ZNF721: variants seen among roughly 807,000 people sequenced by gnomAD.
ZNF721 encodes zinc finger protein 721.
A neutral mutation model predicts 2.4 loss-of-function variants in ZNF721; 2 were observed. The ratio of observed to expected loss-of-function variants is 0.82; its 90% CI spans 0.34 to 2.58. ZNF721 has a LOEUF of 2.58. ZNF721 is among the 30% of genes most tolerant of loss of function. The pLI, the probability that ZNF721 is intolerant of heterozygous loss-of-function variation, is 0.11. For missense variants in ZNF721, 1,187 were observed against 1,085.5 expected (o/e 1.09, Z -1.31); for synonymous variants, 398 against 381.8 (o/e 1.04, Z -0.50).
chr4:494,693 GA>G (rs1396623843), intron 1 of ZNF721, among the ~76,000 whole-genome samples: 31 of 152,092 alleles, frequency 2.0e-4, no homozygotes, highest in African/African-American at 7.0e-4. Context: ...GCTAGAGGGA[GA>G]CAGCTTTATT....
chr4:442,279 G>T lies in ZNF721; in HGVS notation c.2188C>A (p.Arg730Ser), dbSNP rs782608224. Residue 730 changes from arginine to serine, a missense_variant, in exon 3 of 3, where the codon CGT becomes AGT. Physicochemically the swap from Arg to Ser is moderately radical, Grantham distance 110. Coordinates refer to ENST00000511833, the MANE Select transcript of ZNF721 (RefSeq NM_133474.4). ...GTGGACCATCCAAAGGATCTGCCAC[G>T]ATCTTCACATTTGTAGGGTTTCTCC... ...TREKPYKCED[R>S]GRSFGWSTNL... 2.4e-5 allele frequency: 39 copies of T among 1,612,904 alleles called. No homozygotes were observed. Among genetic ancestry groups the T allele is most frequent in the Non-Finnish European group, 3.3e-5 (39 of 1,179,328 alleles).
rs2108686092 is a variant in ZNF721 at position 440,461 on chromosome 4, TTA to T, written c.*1232_*1233del. The T allele has an allele frequency of 6.6e-6, 1 of 152,238 alleles. No individual in the cohort carries two copies. The highest frequency in any genetic ancestry group is 1.9e-4 in the East Asian group (1 of 5,200). The allele number at this position is 152,238 out of a possible 1,614,324, so 9.4% of individuals were successfully genotyped here. A position where few individuals can be genotyped will look rare whatever the true frequency, so the allele number is the denominator to read the frequency against. On this transcript the variant is annotated 3_prime_UTR_variant, in exon 3 of 3. Coordinates refer to ENST00000511833, the MANE Select transcript of ZNF721 (RefSeq NM_133474.4). ...TCTCTTCAAAAACCTACTTTTCAAC[TTA>T]TATACAAGGAAATTTTCTAACAGGT... is the stretch of plus-strand genomic sequence containing the variant.
At chr4:447,348 C>CA (rs1391157932) in intron 2 of ZNF721, among the ~76,000 whole-genome samples, 1 of 151,446 alleles carries the variant, frequency 6.6e-6, no homozygotes, top group Non-Finnish European at 1.5e-5. Context: ...TAAAATAAAA[C>CA]AAAAAATATA....
chr4:450,993 A>G, intron 2 of ZNF721, among the ~76,000 whole-genome samples: 1 of 128,896 alleles, frequency 7.8e-6, no homozygotes, highest in South Asian at 2.5e-4. Flanking sequence ...ATATATATAT[A>G]TATCCCAAAA....
chr4:454,660 G>A (rs1018425228), intron 2 of ZNF721, among the ~76,000 whole-genome samples: 1 of 152,120 alleles, frequency 6.6e-6, no homozygotes, highest in African/African-American at 2.4e-5. Flanking sequence ...ATCTGTAAGG[G>A]TATTTTCCTA....
At chr4:495,030 C>A (rs1219330171) in intron 1 of ZNF721, among the ~76,000 whole-genome samples, 1 of 151,830 alleles carries the variant, frequency 6.6e-6, no homozygotes, top group African/African-American at 2.4e-5. Flanking sequence ...CTACAGGCGC[C>A]GGCCACCATG....
At chr4:444,498 A>G (rs1290421076) in intron 2 of ZNF721, 66 bp from the exon 3 acceptor site, 2 of 1,429,974 alleles carry the variant, frequency 1.4e-6, no homozygotes, top group Non-Finnish European at 1.9e-6. Context: ...TTTACAAATC[A>G]TAAGATTATA....
intron 2 of ZNF721, among the ~76,000 whole-genome samples, chr4:472,320 A>T (rs1470602238): frequency 2.0e-5 from 3 of 152,222 alleles, no homozygotes; most frequent in African/African-American, 7.2e-5. Context: ...TCAGCCTCCC[A>T]AAGTGCTGGG....
chr4:486,824 G>T (rs1236500033), intron 1 of ZNF721, among the ~76,000 whole-genome samples: 3 of 152,154 alleles, frequency 2.0e-5, no homozygotes, highest in Admixed American at 6.6e-5. Context: ...TTCTCAAATT[G>T]TTTCGCTTTT....
At chr4:451,360 CA>C (rs781942639) in intron 2 of ZNF721, among the ~76,000 whole-genome samples, 2 of 152,132 alleles carry the variant, frequency 1.3e-5, no homozygotes, top group African/African-American at 2.4e-5. Context: ...ATCACAAAAA[CA>C]AGTTGACCAT....
Position 472,628 on chromosome 4 carries a change from T to C in ZNF721, c.-20A>G, listed in dbSNP as rs371280958. 4.8e-5 allele frequency: 77 copies of C among 1,614,016 alleles called. No individual in the cohort carries two copies. Among genetic ancestry groups the C allele is most frequent in the South Asian group, 6.6e-5 (6 of 91,084 alleles). On this transcript the variant is annotated 5_prime_UTR_variant, in exon 2 of 3. Transcript: ENST00000511833. ...CAACATCACATCTCTATACAAATTC[T>C]GCTGGGCAGGGTCCAGGCATTTCCA...
At chr4:494,807 G>A (rs1412355789) in intron 1 of ZNF721, among the ~76,000 whole-genome samples, 39 of 152,122 alleles carry the variant, frequency 2.6e-4, no homozygotes, top group Admixed American at 2.6e-3. Context: ...CAGAGCTCTA[G>A]GGAAAGCCCA....
intron 1 of ZNF721, among the ~76,000 whole-genome samples, chr4:494,869 A>G (rs945204460): frequency 2.0e-5 from 3 of 151,032 alleles, no homozygotes; most frequent in Non-Finnish European, 4.4e-5. Flanking sequence ...AGGTTAGACC[A>G]TGTGATGCTT....
At chr4:494,727 T>A (rs1455056407) in intron 1 of ZNF721, among the ~76,000 whole-genome samples, 2 of 152,106 alleles carry the variant, frequency 1.3e-5, no homozygotes, top group Non-Finnish European at 2.9e-5. Flanking sequence ...AAATCAAATA[T>A]AAATTATAGA....
chr4:489,593 A>G (rs1272627497), intron 1 of ZNF721, among the ~76,000 whole-genome samples: 2 of 152,018 alleles, frequency 1.3e-5, no homozygotes, highest in Non-Finnish European at 2.9e-5. Flanking sequence ...GCCTGAGGAG[A>G]AAAGTTGGTA....
chr4:486,789 T>A (rs1404385400), intron 1 of ZNF721, among the ~76,000 whole-genome samples: 1 of 152,238 alleles, frequency 6.6e-6, no homozygotes, highest in African/African-American at 2.4e-5. Flanking sequence ...GGACATTAAT[T>A]TCCTAAACCC....
rs185718801 is a variant in ZNF721 at position 498,928 on chromosome 4, G to A, written c.-94+128C>T. The A allele has an allele frequency of 2.4e-4, 39 of 165,820 alleles. No homozygotes were observed. The South Asian group carries it at 2.9e-3, about 12-fold the overall frequency. 10.3% of individuals were successfully genotyped at this position (165,820 alleles called of 1,614,324 possible). On this transcript the variant is annotated intron_variant, in intron 1 of 2. Coordinates refer to ENST00000511833, the MANE Select transcript of ZNF721 (RefSeq NM_133474.4). Reference sequence around the variant, plus strand: ...TTTAGTTGAGACGGGGTTTCACCATGTTGGCCAGGATAGTCTCGATCTCCT... The same window carrying A: ...TTTAGTTGAGACGGGGTTTCACCATATTGGCCAGGATAGTCTCGATCTCCT...
chr4:474,236 T>C lies in ZNF721; in HGVS notation c.-93-1535A>G, dbSNP rs140912685. 9.7e-4 allele frequency: 368 copies of C among 378,588 alleles called. 3 individuals carry two copies. Among genetic ancestry groups the C allele is most frequent in the African/African-American group, 7.1e-3 (338 of 47,348 alleles). 23.5% of individuals were successfully genotyped at this position (378,588 alleles called of 1,614,324 possible). On this transcript the variant is annotated intron_variant, in intron 1 of 2. Coordinates refer to ENST00000511833, the MANE Select transcript of ZNF721 (RefSeq NM_133474.4). Reference sequence around the variant, plus strand: ...CTCAGTCAAGCGCTCTGATTGGATATGGGTCCAGGCTTCACGCCCTCAGGC... The same window carrying C: ...CTCAGTCAAGCGCTCTGATTGGATACGGGTCCAGGCTTCACGCCCTCAGGC...
chr4:454,612 T>C (rs1714787768), intron 2 of ZNF721, among the ~76,000 whole-genome samples: 1 of 152,242 alleles, frequency 6.6e-6, no homozygotes, highest in South Asian at 2.1e-4. Context: ...TGTGCTTACC[T>C]GTATCTGTAA....
Sources: allele counts gnomAD v4.1 joint callset (sites outside exome capture counted in the v4.1 genomes callset), GRCh38; gene constraint gnomAD v4.1.1; transcripts MANE v1.5; gene names NCBI Gene and HGNC (gene_info 2026-07-23, HGNC 2026-07-21).